CNTNAP2: variants seen among roughly 807,000 people sequenced by gnomAD.
CNTNAP2 encodes contactin-associated protein-like 2.
CNTNAP2 carries 98 observed loss-of-function variants against 155.2 expected under a neutral mutation model. The ratio of observed to expected loss-of-function variants is 0.63; its 90% CI spans 0.54 to 0.75. The LOEUF (loss-of-function observed/expected upper bound fraction) is 0.75, where lower values mean the gene tolerates loss of function less well. Among genes scored for constraint, CNTNAP2 ranks in the 30% least tolerant of loss-of-function variants. The probability of loss-of-function intolerance (pLI) is 0.00; values close to 1 mark genes in which losing one functional copy is unlikely to be tolerated. For synonymous variants in CNTNAP2, 651 were observed against 631.2 expected (o/e 1.03, Z -0.47); for missense variants, 1,727 against 1,688.1 (o/e 1.02, Z -0.40).
At chr7:147,189,918 G>C (rs1272454055) in intron 8 of CNTNAP2, among the ~76,000 whole-genome samples, 1 of 151,980 alleles carries the variant, frequency 6.6e-6, no homozygotes, top group Non-Finnish European at 1.5e-5. Flanking sequence ...CTAATTTTTT[G>C]TATTTTTAGT....
chr7:146,574,857 G>A (rs1218440240), intron 1 of CNTNAP2, among the ~76,000 whole-genome samples: 1 of 152,054 alleles, frequency 6.6e-6, no homozygotes, highest in Non-Finnish European at 1.5e-5. Context: ...CCTACTGATT[G>A]ACACAATTGC....
chr7:147,043,998 A>G lies in CNTNAP2; in HGVS notation c.494A>G (p.Asp165Gly), dbSNP rs767592618. 2.5e-6 allele frequency: 4 copies of G among 1,614,170 alleles called. No homozygotes were observed. In the South Asian group the frequency reaches 3.3e-5, roughly 13 times the overall value. Residue 165 changes from aspartate (D) to glycine (G), a missense_variant, in exon 4 of 24, where the codon GAT becomes GGT. Transcript: ENST00000361727. ...CGCTATGTGCGCATAGTGCCTCTGG[A>G]TTGGAATGGAGAAGGTCGCATTGGA... ...IARYVRIVPL[D>G]WNGEGRIGLR...
chr7:148,382,583 G>A (rs574233721), intron 21 of CNTNAP2, among the ~76,000 whole-genome samples: 6 of 152,304 alleles, frequency 3.9e-5, no homozygotes, highest in Admixed American at 2.6e-4. Flanking sequence ...GCAAGCAAGC[G>A]TAGAGAGATG....
intron 1 of CNTNAP2, among the ~76,000 whole-genome samples, chr7:146,218,463 C>T (rs6960657): frequency 0.03 from 4,572 of 151,920 alleles, 233 homozygotes; most frequent in African/African-American, 0.11. Flanking sequence ...GAGCTGAGAT[C>T]GCGCCACTGC....
chr7:146,687,181 G>C (rs370378029), intron 1 of CNTNAP2, among the ~76,000 whole-genome samples: 3 of 152,094 alleles, frequency 2.0e-5, no homozygotes, highest in African/African-American at 7.2e-5. Flanking sequence ...TAAAGCCACA[G>C]AACTTATCAA....
intron 1 of CNTNAP2, among the ~76,000 whole-genome samples, chr7:146,774,001 T>A (rs1363426992): frequency 2.6e-5 from 4 of 152,188 alleles, no homozygotes; most frequent in Non-Finnish European, 5.9e-5. Context: ...TCAATTTTAC[T>A]CATGATTCTC....
At chr7:146,881,482 A>T (rs1022351458) in intron 3 of CNTNAP2, among the ~76,000 whole-genome samples, 1 of 152,094 alleles carries the variant, frequency 6.6e-6, no homozygotes, top group African/African-American at 2.4e-5. Context: ...GTCTTTAATT[A>T]TTCATGTGTG....
intron 2 of CNTNAP2, among the ~76,000 whole-genome samples, chr7:146,817,807 G>T (rs1370683412): frequency 2.0e-5 from 3 of 152,044 alleles, no homozygotes; most frequent in Non-Finnish European, 2.9e-5. Context: ...CTCTCACCAG[G>T]CTTCACCTCC....
At chr7:146,388,760 C>A (rs1031542493) in intron 1 of CNTNAP2, among the ~76,000 whole-genome samples, 5 of 152,200 alleles carry the variant, frequency 3.3e-5, no homozygotes, top group Admixed American at 2.6e-4. Flanking sequence ...ACCAGCCCCC[C>A]ACTACCCTTT....
chr7:147,803,969 A>C (rs1472245784), intron 13 of CNTNAP2, among the ~76,000 whole-genome samples: 1 of 152,222 alleles, frequency 6.6e-6, no homozygotes. Context: ...ATACGAATGT[A>C]AGTTCCTCTG....
intron 14 of CNTNAP2, among the ~76,000 whole-genome samples, chr7:147,905,774 C>G (rs1268539537): frequency 6.6e-6 from 1 of 152,098 alleles, no homozygotes; most frequent in African/African-American, 2.4e-5. Context: ...ATTGCAGATA[C>G]TCGGGAGGCT....
chr7:147,165,969 G>A (rs527541443), intron 8 of CNTNAP2, among the ~76,000 whole-genome samples: 62 of 152,296 alleles, frequency 4.1e-4, no homozygotes, highest in African/African-American at 1.3e-3. Context: ...AAAACAGTGT[G>A]GAGATTCTTT....
At chr7:147,133,769 G>T (rs1801424594) in intron 8 of CNTNAP2, among the ~76,000 whole-genome samples, 1 of 152,054 alleles carries the variant, frequency 6.6e-6, no homozygotes, top group Admixed American at 6.6e-5. Flanking sequence ...ATTCAAGGAA[G>T]CCACAAGAAA....
At chr7:147,778,797 C>T (rs780690718) in intron 13 of CNTNAP2, among the ~76,000 whole-genome samples, 2 of 152,196 alleles carry the variant, frequency 1.3e-5, no homozygotes, top group Non-Finnish European at 2.9e-5. Flanking sequence ...AGGCCTGAGC[C>T]ACCGCGCCCG....
At chr7:148,397,949 A>G (rs911253516) in intron 22 of CNTNAP2, among the ~76,000 whole-genome samples, 6 of 152,382 alleles carry the variant, frequency 3.9e-5, no homozygotes, top group Middle Eastern at 3.4e-3. Context: ...CATATTTAGC[A>G]TGGAGCTTTT....
intron 5 of CNTNAP2, among the ~76,000 whole-genome samples, chr7:147,113,087 GA>G (rs780815703): frequency 3.3e-5 from 5 of 152,012 alleles, no homozygotes; most frequent in Non-Finnish European, 5.9e-5. Context: ...CTGGCTTAGG[GA>G]ATCAATTTCT....
chr7:147,232,482 G>C (rs1207136411), intron 8 of CNTNAP2, among the ~76,000 whole-genome samples: 6 of 152,128 alleles, frequency 3.9e-5, no homozygotes, highest in Non-Finnish European at 8.8e-5. Flanking sequence ...TCTGGCATAA[G>C]CACAGACACA....
At chr7:146,859,971 A>G (rs1795067432) in intron 3 of CNTNAP2, among the ~76,000 whole-genome samples, 1 of 152,190 alleles carries the variant, frequency 6.6e-6, no homozygotes, top group African/African-American at 2.4e-5. Flanking sequence ...GAAGAGGATC[A>G]ATTGCTTTAA....
chr7:147,217,269 T>C (rs111510018), intron 8 of CNTNAP2, among the ~76,000 whole-genome samples: 71 of 152,120 alleles, frequency 4.7e-4, no homozygotes, highest in African/African-American at 1.6e-3. Flanking sequence ...CCATTAAGTA[T>C]GATGTTGGCT....
Sources: gnomAD v4.1 joint callset for allele counts (sites outside exome capture counted in the v4.1 genomes callset) on GRCh38, gnomAD v4.1.1 for gene constraint, MANE v1.5 for transcripts, NCBI Gene and HGNC (gene_info 2026-07-23, HGNC 2026-07-21) for gene names.